The following DZIP1L variants were observed in gnomAD, a reference collection of about 807,000 sequenced individuals.
The protein encoded by DZIP1L is DAZ interacting zinc finger protein 1 like, also known as cilium assembly protein DZIP1L.
DZIP1L carries 90 observed loss-of-function variants against 88.7 expected under a neutral mutation model. That is an observed-to-expected ratio of 1.02 (90% CI 0.86 to 1.21). The LOEUF (loss-of-function observed/expected upper bound fraction) is 1.21. Among genes scored for constraint, DZIP1L ranks in the 50% most tolerant of loss-of-function variants. The pLI is 0.00. For synonymous variants in DZIP1L, 363 were observed against 372.1 expected (o/e 0.98, Z 0.28); for missense variants, 932 against 955.8 (o/e 0.98, Z 0.33).
intron 1 of DZIP1L, among the ~76,000 whole-genome samples, chr3:138,107,072 C>G (rs1346776794): frequency 2.0e-5 from 3 of 152,148 alleles, no homozygotes; most frequent in Admixed American, 2.0e-4. Context: ...ACCCTCTGTG[C>G]TAGATACAAA....
chr3:138,091,681 G>A (rs867743836), intron 5 of DZIP1L, among the ~76,000 whole-genome samples: 10 of 50,078 alleles, frequency 2.0e-4, no homozygotes, highest in South Asian at 1.2e-3. Flanking sequence ...GAGAGGGAGG[G>A]AGGAAGGAAG....
intron 11 of DZIP1L, among the ~76,000 whole-genome samples, chr3:138,075,109 T>C (rs114708355): frequency 0.016 from 2,465 of 152,294 alleles, 27 homozygotes; most frequent in Non-Finnish European, 0.025. Flanking sequence ...AATATCATAA[T>C]TCTAAATATA....
chr3:138,095,615 C>T (rs563888565), intron 3 of DZIP1L, among the ~76,000 whole-genome samples: 20 of 152,106 alleles, frequency 1.3e-4, no homozygotes, highest in African/African-American at 4.6e-4. Context: ...CCCGTCTCTA[C>T]TAAAAATACA....
chr3:138,096,741 A>G (rs1252178052), intron 3 of DZIP1L, among the ~76,000 whole-genome samples: 1 of 152,238 alleles, frequency 6.6e-6, no homozygotes, highest in East Asian at 1.9e-4. Context: ...TTAGATATAC[A>G]CTAAATACAT....
intron 10 of DZIP1L, among the ~76,000 whole-genome samples, chr3:138,079,923 A>G (rs1001827429): frequency 6.6e-6 from 1 of 152,162 alleles, no homozygotes; most frequent in Non-Finnish European, 1.5e-5. Flanking sequence ...GCACTCACTC[A>G]TCTGTCCTGG....
chr3:138,102,854 T>A, intron 2 of DZIP1L: 1 of 690,214 alleles, frequency 1.4e-6, no homozygotes, highest in South Asian at 1.5e-5. Context: ...TAGAAGCAGC[T>A]GCTGAAGACC....
intron 14 of DZIP1L, among the ~76,000 whole-genome samples, chr3:138,065,023 C>G (rs907140860): frequency 1.4e-4 from 21 of 152,260 alleles, no homozygotes; most frequent in Non-Finnish European, 2.4e-4. Context: ...GCTTAGGAAG[C>G]TGTGCTTCCC....
At chr3:138,098,193 A>G (rs756206415) in intron 2 of DZIP1L, among the ~76,000 whole-genome samples, 2 of 152,254 alleles carry the variant, frequency 1.3e-5, no homozygotes, top group African/African-American at 4.8e-5. Context: ...TACTACAAAT[A>G]AAATCATAAT....
rs749401543 is a variant in DZIP1L at position 138,088,507 on chromosome 3, T to C, written c.871A>G (p.Lys291Glu). The C allele has an allele frequency of 6.2e-7, 1 of 1,612,924 alleles. No individual in the cohort carries two copies. Among genetic ancestry groups the C allele is most frequent in the African/African-American group, 1.3e-5 (1 of 74,870 alleles). The change falls in exon 6 of 16, where the codon AAA becomes GAA. Residue 291 changes from lysine to glutamate, a missense_variant and splice_region_variant. By Grantham distance (56) the Lys-to-Glu change is moderately conservative. Coordinates refer to ENST00000327532, the MANE Select transcript of DZIP1L (RefSeq NM_173543.3). Reference protein sequence around the residue: ...VAKQNSTLEEKLRALQSHSVM... With the variant: ...VAKQNSTLEEELRALQSHSVM... ...CTGTGGGACTGCAGTGCCCGCAGTT[T>C]CTGAAAAGGCCAGGGCATAGTTTTA...
chr3:138,106,908 C>G (rs1422098032), intron 1 of DZIP1L, among the ~76,000 whole-genome samples: 2 of 151,720 alleles, frequency 1.3e-5, no homozygotes, highest in African/African-American at 2.4e-5. Flanking sequence ...GAAGGGCCTC[C>G]AGGAACAGCC....
chr3:138,086,113 G>T (rs1419802383), intron 7 of DZIP1L, among the ~76,000 whole-genome samples: 70 of 151,884 alleles, frequency 4.6e-4, no homozygotes, highest in Admixed American at 3.1e-3. Context: ...GTTGTGGGGT[G>T]GGGGGAGTGG....
At chr3:138,092,310 T>C (rs965455819) in intron 5 of DZIP1L, 73 bp downstream of exon 5, 2 of 1,442,228 alleles carry the variant, frequency 1.4e-6, no homozygotes, top group Admixed American at 2.7e-5. Flanking sequence ...ATAAAACCAG[T>C]ACAAACTAAG....
At chr3:138,094,680 T>C (rs1380509603) in intron 4 of DZIP1L, among the ~76,000 whole-genome samples, 182 bp downstream of exon 4, 2 of 152,230 alleles carry the variant, frequency 1.3e-5, no homozygotes, top group Non-Finnish European at 2.9e-5. Flanking sequence ...GCAAAAACAA[T>C]TCAATTTTCC....
chr3:138,103,191 G>T (rs544027976), intron 2 of DZIP1L, among the ~76,000 whole-genome samples: 4 of 151,508 alleles, frequency 2.6e-5, no homozygotes, highest in African/African-American at 9.7e-5. Flanking sequence ...ATACATTCAT[G>T]CATATACATA....
chr3:138,071,601 C>T lies in DZIP1L; in HGVS notation c.1615+42G>A, dbSNP rs1442817076. On this transcript the variant is annotated intron_variant, in intron 12 of 15. Coordinates refer to ENST00000327532, the MANE Select transcript of DZIP1L (RefSeq NM_173543.3). ...AACAAGTTTTGGCAAGAATGGGACCCTTACAGGTCACAGCCCTGAGCAAGC... is the reference window on the plus strand; with the variant it reads ...AACAAGTTTTGGCAAGAATGGGACCTTTACAGGTCACAGCCCTGAGCAAGC... 17 of 1,575,804 alleles carry T rather than the reference C, an allele frequency of 1.1e-5. No individual in the cohort carries two copies. The South Asian group carries it at 1.8e-4, about 16-fold the overall frequency.
At chr3:138,068,742 C>A (rs1943034066) in intron 12 of DZIP1L, among the ~76,000 whole-genome samples, 1 of 152,156 alleles carries the variant, frequency 6.6e-6, no homozygotes, top group Non-Finnish European at 1.5e-5. Flanking sequence ...GGCAGTCCTG[C>A]AGGAAGACCC....
At chr3:138,069,812 A>G (rs967566263) in intron 12 of DZIP1L, among the ~76,000 whole-genome samples, 1 of 152,164 alleles carries the variant, frequency 6.6e-6, no homozygotes, top group Admixed American at 6.5e-5. Flanking sequence ...GCAGGGTCCA[A>G]GCAGAAATGG....
chr3:138,102,756 A>G, intron 2 of DZIP1L: 1 of 779,564 alleles, frequency 1.3e-6, no homozygotes, highest in Non-Finnish European at 2.4e-6. Flanking sequence ...TGGCCCCACC[A>G]TAGCCTCCGC....
chr3:138,078,599 G>T (rs1052426751), intron 10 of DZIP1L, among the ~76,000 whole-genome samples: 4 of 152,176 alleles, frequency 2.6e-5, no homozygotes, highest in African/African-American at 9.7e-5. Context: ...CAAAGCATCA[G>T]CATTACCTGG....
Sources: allele counts gnomAD v4.1 joint callset (sites outside exome capture counted in the v4.1 genomes callset), GRCh38; gene constraint gnomAD v4.1.1; transcripts MANE v1.5; gene names NCBI Gene and HGNC (gene_info 2026-07-23, HGNC 2026-07-21).